The following CA12 variants were observed in gnomAD, a reference collection of about 807,000 sequenced individuals.
CA12 encodes the protein carbonate dehydratase XII.
CA12 carries 36 observed loss-of-function variants against 46.8 expected under a neutral mutation model. The ratio of observed to expected loss-of-function variants is 0.77; its 90% CI spans 0.59 to 1.02. The LOEUF (loss-of-function observed/expected upper bound fraction) is 1.02. CA12 is among the 50% of genes least tolerant of loss of function. The pLI is 0.00. For missense variants in CA12, 436 were observed against 451.4 expected (o/e 0.97, Z 0.31); for synonymous variants, 202 against 187.0 (o/e 1.08, Z -0.65).
chr15:63,340,217 G>T lies in CA12; in HGVS notation c.747+71C>A. 6.5e-7 allele frequency: 1 copy of T among 1,531,778 alleles called. No individual in the cohort carries two copies. The highest frequency in any genetic ancestry group is 1.1e-5 in the South Asian group (1 of 88,552). The allele number at this position is 1,531,778 out of a possible 1,614,324, so 94.9% of individuals were successfully genotyped here. A position where few individuals can be genotyped will look rare whatever the true frequency, so the allele number is the denominator to read the frequency against. Reference sequence around the variant, plus strand: ...AACTAAATGAGGAAATCAAGTCATTGATTGTGATATGGAGGATGATGGGGA... The same window carrying T: ...AACTAAATGAGGAAATCAAGTCATTTATTGTGATATGGAGGATGATGGGGA... On this transcript the variant is annotated intron_variant, in intron 7 of 10. Transcript: ENST00000178638. This position sits in a 1 kb window ranked among gnomAD's most constrained non-coding sequence, Gnocchi z 4.4.
intron 2 of CA12, among the ~76,000 whole-genome samples, chr15:63,356,669 C>G (rs911300182): frequency 1.3e-5 from 2 of 151,946 alleles, no homozygotes; most frequent in Non-Finnish European, 2.9e-5. Flanking sequence ...ATTACAGATG[C>G]ACATCACCAC....
Position 63,381,636 on chromosome 15 carries a change from C to T in CA12, c.85G>A (p.Gly29Ser). Residue 29 changes from glycine (G) to serine (S), a missense_variant and splice_region_variant, in exon 1 of 11, where the codon GGT (glycine) becomes AGT (serine). Physicochemically the swap from Gly to Ser is moderately conservative, Grantham distance 56 (BLOSUM62 0). Coordinates refer to ENST00000178638, the MANE Select transcript of CA12 (RefSeq NM_001218.5). ...GGAAAGAAGCAGGCGGAAACTTTAC[C>T]GTTCACTGGGGCCGGGCTGGAAGGC... is the stretch of plus-strand genomic sequence containing the variant. ...EQPSSPAPVN[G>S]SKWTYFGPDG... 1.2e-6 allele frequency: 2 copies of T among 1,610,242 alleles called. No homozygotes were observed. Among genetic ancestry groups the T allele is most frequent in the Non-Finnish European group, 8.5e-7 (1 of 1,178,246 alleles).
chr15:63,364,134 C>T (rs2039403270), intron 2 of CA12, among the ~76,000 whole-genome samples: 1 of 151,520 alleles, frequency 6.6e-6, no homozygotes, highest in South Asian at 2.1e-4. Context: ...TTGCAGTGAG[C>T]AGAGATCGTG....
intron 8 of CA12, among the ~76,000 whole-genome samples, chr15:63,338,363 C>T (rs2039030351): frequency 6.6e-6 from 1 of 152,212 alleles, no homozygotes; most frequent in Non-Finnish European, 1.5e-5. Flanking sequence ...TAGGAACATT[C>T]TTGCTCATTT....
chr15:63,345,462 G>C lies in CA12; in HGVS notation c.429+15C>G. The stretch of plus-strand genomic sequence containing the variant: ...ACTGCAGAGCAGCCTCTGCCAGACT[G>C]GCAGCCCTACTTACCTCGGCGGCGA... On this transcript the variant is annotated intron_variant, in intron 4 of 10. Coordinates refer to ENST00000178638, the MANE Select transcript of CA12 (RefSeq NM_001218.5). The surrounding 1 kb of genome is among the most constrained non-coding windows in gnomAD (Gnocchi z 4.3). 1 of 1,604,116 alleles carries C rather than the reference G, an allele frequency of 6.2e-7. No individual in the cohort carries two copies. The highest frequency in any genetic ancestry group is 1.1e-5 in the South Asian group (1 of 91,032).
At position 63,328,630 on chromosome 15, in the gene CA12, G is replaced by A. The variant is rs746162284; in HGVS notation, c.875-500C>T. On this transcript the variant is annotated intron_variant, in intron 8 of 10. Transcript: ENST00000178638. The surrounding 1 kb of genome is among the most constrained non-coding windows in gnomAD (Gnocchi z 5.9). ...ATTATAGGCGTGAGCCCCTGCGCCC[G>A]GCCCCGATGCTCCTTTATCACAACA... is the stretch of plus-strand genomic sequence containing the variant. Among the ~76,000 whole-genome samples the A allele has an allele frequency of 2.0e-4, 30 of 151,916 alleles. No homozygotes were observed. Among genetic ancestry groups the A allele is most frequent in the Non-Finnish European group, 3.5e-4 (24 of 67,930 alleles).
chr15:63,346,890 C>G (rs985689543), intron 2 of CA12, among the ~76,000 whole-genome samples, 181 bp from the exon 3 acceptor site: 5 of 152,224 alleles, frequency 3.3e-5, no homozygotes, highest in African/African-American at 1.2e-4. Context: ...TCAGGACCAC[C>G]TGCTCTTAAG....
rs373827927 is a variant in CA12 at position 63,328,079 on chromosome 15, T to C, written c.907+19A>G. 2.5e-6 allele frequency: 4 copies of C among 1,612,264 alleles called. No homozygotes were observed. The highest frequency in any genetic ancestry group is 3.4e-6 in the Non-Finnish European group (4 of 1,178,372). On this transcript the variant is annotated intron_variant, in intron 9 of 10. Transcript: ENST00000178638. This position sits in a 1 kb window ranked among gnomAD's most constrained non-coding sequence, Gnocchi z 5.9. ...ATCACCCAGCTGCAGCATGCACGGC[T>C]GGCTGCCCAGCCACATACCCAGACT...
In CA12 at chr15:63,340,244, T is replaced by C; in HGVS notation, c.747+44A>G. 3 of 1,609,584 alleles carry C rather than the reference T, an allele frequency of 1.9e-6. No homozygotes were observed. Among genetic ancestry groups the C allele is most frequent in the East Asian group, 2.2e-5 (1 of 44,862 alleles). ...TTGTGATATGGAGGATGATGGGGACTGAGGTGCCGCGTGGACTCTGGCTGA... is the reference window on the plus strand; with the variant it reads ...TTGTGATATGGAGGATGATGGGGACCGAGGTGCCGCGTGGACTCTGGCTGA... On this transcript the variant is annotated intron_variant, in intron 7 of 10. Transcript: ENST00000178638. This position sits in a 1 kb window ranked among gnomAD's most constrained non-coding sequence, Gnocchi z 4.4.
At chr15:63,333,139 A>C (rs1479746663) in intron 8 of CA12, among the ~76,000 whole-genome samples, 1 of 152,122 alleles carries the variant, frequency 6.6e-6, no homozygotes, top group African/African-American at 2.4e-5. Context: ...TGGAGGAGGG[A>C]GGGGGCATCC....
At chr15:63,352,658 C>G (rs984964070) in intron 2 of CA12, among the ~76,000 whole-genome samples, 2 of 152,114 alleles carry the variant, frequency 1.3e-5, no homozygotes, top group Non-Finnish European at 2.9e-5. Flanking sequence ...GCTACCAACA[C>G]GCAGTCAGAT....
rs965670667 is a variant in CA12 at position 63,341,496 on chromosome 15, G to A, written c.525+506C>T. On this transcript the variant is annotated intron_variant, in intron 5 of 10. Coordinates refer to ENST00000178638, the MANE Select transcript of CA12 (RefSeq NM_001218.5). The surrounding 1 kb of genome is among the most constrained non-coding windows in gnomAD (Gnocchi z 5.2). ...GAATCTAACTAATGCTTGATGATCT[G>A]AGGTGGAACAGTTTCATCCCAAAAC... is the stretch of plus-strand genomic sequence containing the variant. Among the ~76,000 whole-genome samples the A allele has an allele frequency of 6.6e-6, 1 of 152,240 alleles. No homozygotes were observed. Among genetic ancestry groups the A allele is most frequent in the East Asian group, 1.9e-4 (1 of 5,196 alleles).
intron 2 of CA12, among the ~76,000 whole-genome samples, chr15:63,356,511 T>C (rs2039297255): frequency 2.7e-4 from 1 of 3,772 alleles, no homozygotes. Flanking sequence ...AGAATTACCA[T>C]ATAATACCAG....
intron 1 of CA12, among the ~76,000 whole-genome samples, chr15:63,377,250 C>T (rs368359146): frequency 6.6e-6 from 1 of 152,232 alleles, no homozygotes. Context: ...GACTGTGCAA[C>T]TCCTAAATCC....
chr15:63,326,372 A>G lies in CA12; in HGVS notation c.993-15T>C, dbSNP rs1475067023. On this transcript the variant is annotated splice_polypyrimidine_tract_variant and intron_variant, in intron 10 of 10. Coordinates refer to ENST00000178638, the MANE Select transcript of CA12 (RefSeq NM_001218.5). Reference sequence around the variant, plus strand: ...CTTTTTTGATACTAGAACAGAAAGAACACATAACTCTTGTTAGAGAGGAGA... The same window carrying G: ...CTTTTTTGATACTAGAACAGAAAGAGCACATAACTCTTGTTAGAGAGGAGA... 30 of 1,605,172 alleles carry G rather than the reference A, an allele frequency of 1.9e-5. No homozygotes were observed. Among genetic ancestry groups the G allele is most frequent in the Non-Finnish European group, 2.4e-5 (28 of 1,172,082 alleles).
In CA12 at chr15:63,326,253, C is replaced by T; in HGVS notation, c.*32G>A. On this transcript the variant is annotated 3_prime_UTR_variant, in exon 11 of 11. Coordinates refer to ENST00000178638, the MANE Select transcript of CA12 (RefSeq NM_001218.5). ...AGTGTGTAGGGTCCAAAGCAAGGTC[C>T]TTCCTGGATGTGCCCGGGAGCTCCG... The T allele has an allele frequency of 2.5e-6, 4 of 1,582,518 alleles. No homozygotes were observed. Among genetic ancestry groups the T allele is most frequent in the Non-Finnish European group, 3.5e-6 (4 of 1,151,228 alleles).
intron 2 of CA12, among the ~76,000 whole-genome samples, chr15:63,363,500 C>T (rs1342895868): frequency 6.6e-6 from 1 of 152,234 alleles, no homozygotes; most frequent in Admixed American, 6.5e-5. Context: ...GCAGACACAC[C>T]CTCCTTCTAG....
chr15:63,322,502 T>C lies in CA12; in HGVS notation c.*3783A>G, dbSNP rs1473621280. The C allele has an allele frequency of 6.6e-6, 1 of 152,184 alleles. No homozygotes were observed. Among genetic ancestry groups the C allele is most frequent in the Non-Finnish European group, 1.5e-5 (1 of 68,026 alleles). 9.4% of individuals were successfully genotyped at this position (152,184 alleles called of 1,614,324 possible). A position where few individuals can be genotyped will look rare whatever the true frequency, so the allele number is the denominator to read the frequency against. On this transcript the variant is annotated 3_prime_UTR_variant, in exon 11 of 11. Coordinates refer to ENST00000178638, the MANE Select transcript of CA12 (RefSeq NM_001218.5). The surrounding 1 kb of genome is among the most constrained non-coding windows in gnomAD (Gnocchi z 4.1). ...TACATTTCTCTCGGCCTGTGTGCTC[T>C]AGATGGTTGATTTGGCTGGATTGAG...
In CA12 at chr15:63,345,486, G is replaced by A. The variant is rs777028896; in HGVS notation, c.420C>T (p.Phe140=). The change falls in exon 4 of 11, where the codon TTC becomes TTT. Residue 140 remains phenylalanine (F), a synonymous_variant. Transcript: ENST00000178638. The surrounding 1 kb of genome is among the most constrained non-coding windows in gnomAD (Gnocchi z 4.3). ...GSEHTVSGQH[F]AAELHIVHYN... ...TGGCAGCCCTACTTACCTCGGCGGC[G>A]AAGTGCTGTCCGCTGACGGTGTGCT... 24 of 1,608,254 alleles carry A rather than the reference G, an allele frequency of 1.5e-5. No homozygotes were observed. Among genetic ancestry groups the A allele is most frequent in the Middle Eastern group, 1.6e-4 (1 of 6,084 alleles).
Sources: gnomAD v4.1 joint callset for allele counts (sites outside exome capture counted in the v4.1 genomes callset) on GRCh38, gnomAD v4.1.1 for gene constraint, Gnocchi (gnomAD v3.1) non-coding constraint, MANE v1.5 for transcripts, NCBI Gene and HGNC (gene_info 2026-07-23, HGNC 2026-07-21) for gene names.